TPSG1: variants seen among roughly 807,000 people sequenced by gnomAD.
TPSG1 encodes tryptase gamma 1, also known as tryptase gamma.
A neutral mutation model predicts 23.8 loss-of-function variants in TPSG1; 43 were observed. The ratio of observed to expected loss-of-function variants is 1.81; its 90% confidence interval spans 1.42 to 2.33. The LOEUF (loss-of-function observed/expected upper bound fraction) is 2.33. Ranked by LOEUF, TPSG1 falls within the 30% of genes most tolerant of loss-of-function variation. The probability of loss-of-function intolerance (pLI) is 0.00; values close to 1 mark genes in which losing one functional copy is unlikely to be tolerated. For synonymous variants in TPSG1, 302 were observed against 201.3 expected (o/e 1.50, Z -4.23); for missense variants, 623 against 438.6 (o/e 1.42, Z -3.75).
intron 2 of TPSG1, 42 bp from the exon 3 acceptor site, chr16:1,223,636 A>T (rs1314892358): frequency 6.6e-7 from 1 of 1,522,794 alleles, no homozygotes; most frequent in East Asian, 2.5e-5. Flanking sequence ...GGATCCCAAG[A>T]AACCCACTGC....
rs761119948 is a variant in TPSG1, at chr16:1,222,373, T to C, written c.512-32A>G. Reference sequence around the variant, plus strand: ...TGGGGGGAACAGGCTTCAGAGAAGGTTGGGGCACCAGGCCCTGCACTGGGG... The same window carrying C: ...TGGGGGGAACAGGCTTCAGAGAAGGCTGGGGCACCAGGCCCTGCACTGGGG... On this transcript the variant is annotated intron_variant, in intron 4 of 5. Transcript: ENST00000234798. The C allele has an allele frequency of 1.7e-5, 26 of 1,551,262 alleles. No homozygotes were observed. The East Asian group carries it at 5.9e-4, about 35-fold the overall frequency.
At position 1,222,026 on chromosome 16, in the gene TPSG1, C is replaced by G. The variant is rs369894954; in HGVS notation, c.728G>C (p.Gly243Ala). 25 of 1,612,644 alleles carry G rather than the reference C, an allele frequency of 1.6e-5. No individual in the cohort carries two copies. Among genetic ancestry groups the G allele is most frequent in the South Asian group, 1.1e-5 (1 of 91,084 alleles). Reference protein sequence around the residue: ...AWVQAGTVSWGEGCGRPNRPG... With the variant: ...AWVQAGTVSWAEGCGRPNRPG... ...CCTGTTGGGGCGGCCGCAGCCCTCA[C>G]CCCAGCTCACAGTGCCAGCCTGCAC... is the stretch of plus-strand genomic sequence containing the variant. The change falls in exon 6 of 6, where the codon GGT becomes GCT. Residue 243 changes from glycine to alanine, a missense_variant. Coordinates refer to ENST00000234798, the MANE Select transcript of TPSG1 (RefSeq NM_012467.4).
chr16:1,223,531 G>A lies in TPSG1; in HGVS notation c.137C>T (p.Ala46Val). The part of the protein sequence containing the change: ...GRIVGGHAAP[A>V]GAWPWQASLR... ...GCTGGCCTGCCATGGCCATGCGCCG[G>A]CCGGGGCAGCGTGACCCCCCACGAT... Residue 46 changes from alanine (A) to valine (V), a missense_variant, in exon 3 of 6, where the codon GCC becomes GTC. By Grantham distance (64) the Ala-to-Val change is moderately conservative. Transcript: ENST00000234798. 4 of 1,549,942 alleles carry A rather than the reference G, an allele frequency of 2.6e-6. No homozygotes were observed. Among genetic ancestry groups the A allele is most frequent in the Non-Finnish European group, 2.6e-6 (3 of 1,149,724 alleles).
chr16:1,221,837 C>CACTT lies in TPSG1; in HGVS notation c.913_916dup (p.Cys306Ter). ...ACCATCCGCAGATGGGTGCAGCAGG[C>CACTT]ACTTGGCCAGCAGGACACAGGAGAC... On this transcript the variant is annotated stop_gained and frameshift_variant, in exon 6 of 6. Transcript: ENST00000234798. LOFTEE classifies it low-confidence loss of function (END_TRUNC). 1 of 1,611,802 alleles carries CACTT rather than the reference C, an allele frequency of 6.2e-7. No individual in the cohort carries two copies. Among genetic ancestry groups the CACTT allele is most frequent in the Non-Finnish European group, 8.5e-7 (1 of 1,179,478 alleles).
intron 2 of TPSG1, chr16:1,223,819 C>T: frequency 3.6e-6 from 2 of 552,310 alleles, no homozygotes; most frequent in East Asian, 3.4e-5. Context: ...AAGCACCATG[C>T]TCCACAAACT....
chr16:1,223,880 C>A lies in TPSG1; in HGVS notation c.74-286G>T, dbSNP rs962300296. ...AAGGCTGCAGAGGGCCCCTAGGCGGCTAGAAAGGGGCTCAGAACGGTGGAG... is the reference window on the plus strand; with the variant it reads ...AAGGCTGCAGAGGGCCCCTAGGCGGATAGAAAGGGGCTCAGAACGGTGGAG... On this transcript the variant is annotated intron_variant, in intron 2 of 5. Coordinates refer to ENST00000234798, the MANE Select transcript of TPSG1 (RefSeq NM_012467.4). 29 of 475,784 alleles carry A rather than the reference C, an allele frequency of 6.1e-5. No individual in the cohort carries two copies. The Admixed American group carries it at 8.4e-4, about 14-fold the overall frequency. 29.5% of individuals were successfully genotyped at this position (475,784 alleles called of 1,614,324 possible).
At position 1,221,780 on chromosome 16, in the gene TPSG1, T is replaced by C. The variant is rs1970498546; in HGVS notation, c.*8A>G. On this transcript the variant is annotated 3_prime_UTR_variant, in exon 6 of 6. Transcript: ENST00000234798. The stretch of plus-strand genomic sequence containing the variant: ...ACTTATTTAAGAAATGCACTTGGAT[T>C]CCTGCCATCAGTCAGGGGCGGGGAA... The C allele has an allele frequency of 6.3e-7, 1 of 1,591,636 alleles. No homozygotes were observed. Among genetic ancestry groups the C allele is most frequent in the Admixed American group, 1.7e-5 (1 of 57,520 alleles).
chr16:1,222,313 C>T lies in TPSG1; in HGVS notation c.540G>A (p.Arg180=), dbSNP rs1239250089. The change falls in exon 5 of 6, where the codon CGG becomes CGA. Residue 180 remains arginine (R), a synonymous_variant. Transcript: ENST00000234798. ...GEPLPPPYSL[R]EVKVSVVDTE... ...TGTCCACCACGGAGACTTTCACCTC[C>T]CGCAGGCTGTACGGGGGTGGCAGAG... The T allele has an allele frequency of 2.5e-6, 4 of 1,608,694 alleles. No homozygotes were observed. The highest frequency in any genetic ancestry group is 4.5e-5 in the East Asian group (2 of 44,772).
intron 2 of TPSG1, 93 bp from the exon 3 acceptor site, chr16:1,223,687 T>G (rs978708676): frequency 4.9e-6 from 7 of 1,418,088 alleles, no homozygotes; most frequent in African/African-American, 1.5e-5. Context: ...CCTCCCTGCC[T>G]TCTTGGGGAC....
chr16:1,224,780 T>G, intron 1 of TPSG1, 152 bp from the exon 2 acceptor site: 1 of 891,690 alleles, frequency 1.1e-6, no homozygotes. Context: ...GGTCAACTGC[T>G]GTCTCACTGG....
intron 3 of TPSG1, 111 bp from the exon 4 acceptor site, chr16:1,223,028 C>G (rs1351379542): frequency 1.5e-6 from 2 of 1,336,274 alleles, no homozygotes; most frequent in African/African-American, 2.9e-5. Flanking sequence ...CTCTTCCCTC[C>G]TAGGCTTGGG....
At position 1,221,890 on chromosome 16, in the gene TPSG1, G is replaced by T. The variant is rs1004041; in HGVS notation, c.864C>A (p.Phe288Leu). Residue 288 changes from phenylalanine to leucine, a missense_variant, in exon 6 of 6, where the codon TTC (phenylalanine) becomes TTA (leucine). Physicochemically the swap from Phe to Leu is conservative, Grantham distance 22. Coordinates refer to ENST00000234798, the MANE Select transcript of TPSG1 (RefSeq NM_012467.4). Reference sequence around the variant, plus strand: ...GCAGAAGGAAGAGGCCGGGGAGGAAGAAGCCAGCCAGGAGGGGGAGCCTGG... The same window carrying T: ...GCAGAAGGAAGAGGCCGGGGAGGAATAAGCCAGCCAGGAGGGGGAGCCTGG... ...GYPRLPLLAG[F>L]FLPGLFLLLV... 816,960 of 1,610,564 alleles carry T rather than the reference G, an allele frequency of 0.51. 213,290 individuals are homozygous for T. The highest frequency in any genetic ancestry group is 0.88 in the East Asian group (39,574 of 44,810).
At chr16:1,223,629 T>G in intron 2 of TPSG1, 35 bp from the exon 3 acceptor site, 1 of 1,524,870 alleles carries the variant, frequency 6.6e-7, no homozygotes, top group Non-Finnish European at 8.8e-7. Context: ...CTGGTGGGGA[T>G]CCCAAGAAAC....
chr16:1,221,687 G>A lies in TPSG1; in HGVS notation c.*101C>T. 1 of 1,189,260 alleles carries A rather than the reference G, an allele frequency of 8.4e-7. No individual in the cohort carries two copies. Among genetic ancestry groups the A allele is most frequent in the Non-Finnish European group, 1.2e-6 (1 of 861,294 alleles). 73.7% of individuals were successfully genotyped at this position (1,189,260 alleles called of 1,614,324 possible). ...TGCTTTTAAATTCAGGTTAAATGTTGCAATAATCTGATGCAGAAGACTCAG... is the reference window on the plus strand; with the variant it reads ...TGCTTTTAAATTCAGGTTAAATGTTACAATAATCTGATGCAGAAGACTCAG... On this transcript the variant is annotated 3_prime_UTR_variant, in exon 6 of 6. Coordinates refer to ENST00000234798, the MANE Select transcript of TPSG1 (RefSeq NM_012467.4).
chr16:1,224,844 A>T (rs961870592), intron 1 of TPSG1: 76 of 629,678 alleles, frequency 1.2e-4, no homozygotes, highest in African/African-American at 1.1e-3. Context: ...GGAGGCCGGG[A>T]GCTTGGCCTC....
chr16:1,222,929 G>A lies in TPSG1; in HGVS notation c.246-12C>T. On this transcript the variant is annotated splice_polypyrimidine_tract_variant and intron_variant, in intron 3 of 5. Coordinates refer to ENST00000234798, the MANE Select transcript of TPSG1 (RefSeq NM_012467.4). The stretch of plus-strand genomic sequence containing the variant: ...ATGAGTTCAGGGACCTGGGAGGGAA[G>A]GTGGCTGGGTGAGAGGGGCCAGCTG... 6.3e-7 allele frequency: 1 copy of A among 1,585,688 alleles called. No individual in the cohort carries two copies. The highest frequency in any genetic ancestry group is 8.6e-7 in the Non-Finnish European group (1 of 1,162,178).
chr16:1,224,569 C>A (rs751830983), intron 2 of TPSG1, 33 bp downstream of exon 2: 4 of 1,613,542 alleles, frequency 2.5e-6, no homozygotes, highest in Non-Finnish European at 2.5e-6. Context: ...TGCCTGCACC[C>A]TCCCCCACAC....
intron 1 of TPSG1, chr16:1,224,872 C>G: frequency 1.7e-6 from 1 of 605,382 alleles, no homozygotes; most frequent in Non-Finnish European, 2.9e-6. Context: ...GGCCTCCTCC[C>G]CGCCCTCCAG....
In TPSG1 at chr16:1,223,587, G is replaced by C. The variant is rs924668820; in HGVS notation, c.81C>G (p.Gly27=). 1 of 1,541,062 alleles carries C rather than the reference G, an allele frequency of 6.5e-7. No individual in the cohort carries two copies. The highest frequency in any genetic ancestry group is 2.5e-5 in the East Asian group (1 of 40,680). Residue 27 remains glycine, a synonymous_variant, in exon 3 of 6, where the codon GGC becomes GGG. Transcript: ENST00000234798. ...VSLRTLQPGC[G]RPQVSDAGGR... The stretch of plus-strand genomic sequence containing the variant: ...CGCCTGCATCCGAAACCTGCGGCCG[G>C]CCACACCCTAAGTCGAAGGAGGAAG...
Sources: allele counts gnomAD v4.1 joint callset, GRCh38; gene constraint gnomAD v4.1.1; transcripts MANE v1.5; gene names NCBI Gene and HGNC (gene_info 2026-07-23, HGNC 2026-07-21).